The following SACS variants were observed in gnomAD, a reference collection of about 807,000 sequenced individuals.
SACS encodes sacsin molecular chaperone.
Under a neutral mutation model 348.0 loss-of-function variants are expected in SACS, and 197 were observed. The observed-to-expected ratio is 0.57, with a 90% confidence interval of 0.50 to 0.64. SACS has a LOEUF of 0.64. Among genes scored for constraint, SACS ranks in the 30% least tolerant of loss-of-function variants. The pLI, the probability that SACS is intolerant of heterozygous loss-of-function variation, is 0.00. For synonymous variants in SACS, 1,985 were observed against 1,910.6 expected, an observed-to-expected ratio of 1.04 and a Z score of -1.02; for missense variants, 4,999 against 5,360.8, an observed-to-expected ratio of 0.93 and a Z score of 2.11.
Position 23,336,252 on chromosome 13 carries a change from C to T in SACS, c.7624G>A (p.Glu2542Lys). 1 of 1,614,058 alleles carries T rather than the reference C, an allele frequency of 6.2e-7. No individual in the cohort carries two copies. Among genetic ancestry groups the T allele is most frequent in the Non-Finnish European group, 8.5e-7 (1 of 1,179,940 alleles). ...AGAAGCTCTTTCAACATTTCCTTTT[C>T]AGAAGGATATGCATTAAGGATGCTC... ...IKSILNAYPS[E>K]KEMLKELLQN... Residue 2542 changes from glutamate (E) to lysine (K), a missense_variant, in exon 10 of 10, where the codon GAA becomes AAA. Physicochemically the swap from Glu to Lys is moderately conservative, Grantham distance 56. Around this residue, in one of 6 missense-constraint regions of SACS, gnomAD observed 3,156 missense variants for 3,380.1 expected, o/e 0.93. Transcript: ENST00000382292.
intron 2 of SACS, among the ~76,000 whole-genome samples, chr13:23,378,507 G>A (rs1303082539): frequency 2.6e-5 from 4 of 151,632 alleles, no homozygotes; most frequent in Non-Finnish European, 5.9e-5. Flanking sequence ...ACAGAGTCTC[G>A]CTCTGTCGCC....
intron 7 of SACS, among the ~76,000 whole-genome samples, chr13:23,356,607 A>G (rs1870408267): frequency 6.6e-6 from 1 of 152,238 alleles, no homozygotes; most frequent in Admixed American, 6.5e-5. Context: ...TGGCCTCTAA[A>G]TTGATACCAG....
In SACS at chr13:23,332,727, T is replaced by C. The variant is rs371552605; in HGVS notation, c.11149A>G (p.Lys3717Glu). Reference sequence around the variant, plus strand: ...CCAAGGTCACTACCTTCTTGTTCTTTAATGCTTAAGGGTGTAGCTTTCTCT... The same window carrying C: ...CCAAGGTCACTACCTTCTTGTTCTTCAATGCTTAAGGGTGTAGCTTTCTCT... ...LPEKATPLSI[K>E]EQEGSDLGPQ... The change falls in exon 10 of 10, where the codon AAA becomes GAA. Residue 3717 changes from lysine (K) to glutamate (E), a missense_variant. By Grantham distance (56) the Lys-to-Glu change is moderately conservative. Coordinates refer to ENST00000382292, the MANE Select transcript of SACS (RefSeq NM_014363.6). 5 of 1,614,058 alleles carry C rather than the reference T, an allele frequency of 3.1e-6. No homozygotes were observed. The South Asian group carries it at 3.3e-5, about 11-fold the overall frequency.
In SACS at chr13:23,330,717, A is replaced by T; in HGVS notation, c.13159T>A (p.Phe4387Ile). The change falls in exon 10 of 10, where the codon TTT (phenylalanine) becomes ATT (isoleucine). Residue 4387 changes from phenylalanine to isoleucine, a missense_variant. Phe to Ile is a conservative substitution (Grantham distance 21). Transcript: ENST00000382292. Reference sequence around the variant, plus strand: ...TGAAATGAGTATTTGTCTGACTGAAATCGGGATGCTGAGGTTGAAAATGTT... The same window carrying T: ...TGAAATGAGTATTTGTCTGACTGAATTCGGGATGCTGAGGTTGAAAATGTT... ...RRTFSTSASR[F>I]QSDKYSFQRF... 6.2e-7 allele frequency: 1 copy of T among 1,614,086 alleles called. No homozygotes were observed. Among genetic ancestry groups the T allele is most frequent in the Non-Finnish European group, 8.5e-7 (1 of 1,179,974 alleles).
At position 23,330,326 on chromosome 13, in the gene SACS, TCAAG is replaced by T; in HGVS notation, c.13546_13549del (p.Leu4516LysfsTer3). 6.2e-7 allele frequency: 1 copy of T among 1,614,204 alleles called. No individual in the cohort carries two copies. The highest frequency in any genetic ancestry group is 1.3e-5 in the African/African-American group (1 of 75,068). On this transcript the variant is annotated frameshift_variant, in exon 10 of 10. Transcript: ENST00000382292. LOFTEE classifies it high-confidence loss of function. ...TGTGTGAACATCATTTGTCAGTCCT[TCAAG>T]TTGCTGACTATATTCCTCTATTTTC...
intron 1 of SACS, among the ~76,000 whole-genome samples, chr13:23,419,728 T>C (rs1439459451): frequency 6.6e-6 from 1 of 152,210 alleles, no homozygotes; most frequent in African/African-American, 2.4e-5. Context: ...GGGAGTTTCA[T>C]CGTTTCTGTG....
At position 23,339,314 on chromosome 13, in the gene SACS, G is replaced by A; in HGVS notation, c.4562C>T (p.Ala1521Val). 1 of 1,612,056 alleles carries A rather than the reference G, an allele frequency of 6.2e-7. No homozygotes were observed. Among genetic ancestry groups the A allele is most frequent in the Non-Finnish European group, 8.5e-7 (1 of 1,179,198 alleles). Residue 1521 changes from alanine to valine, a missense_variant, in exon 10 of 10, where the codon GCT becomes GTT. Around this residue, in one of 6 missense-constraint regions of SACS, gnomAD observed 3,156 missense variants for 3,380.1 expected, o/e 0.93. Transcript: ENST00000382292. ...DPGMAACHGP[A>V]LWSFNNSQFS... Reference sequence around the variant, plus strand: ...TTGAGAATTGTTGAATGACCACAAAGCAGGTCCATGACAAGCTGCCATCCC... The same window carrying A: ...TTGAGAATTGTTGAATGACCACAAAACAGGTCCATGACAAGCTGCCATCCC...
rs540280199 is a variant in SACS, at chr13:23,423,728, GCTATTAGGCCTATATATAAA to G, written c.-502+9867_-502+9886del. 7.7e-3 allele frequency among the ~76,000 whole-genome samples: 1,176 copies of G among 152,282 alleles called. 7 individuals carry two copies. Among genetic ancestry groups the G allele is most frequent in the Middle Eastern group, 0.02 (6 of 294 alleles). ...GAATCTAATTAATGAGATTTCAGAA[GCTATTAGGCCTATATATAAA>G]CTATTAGGCCTATATATAAAAATAC... is the stretch of plus-strand genomic sequence containing the variant. On this transcript the variant is annotated intron_variant, in intron 1 of 9. Coordinates refer to ENST00000382292, the MANE Select transcript of SACS (RefSeq NM_014363.6).
chr13:23,382,490 A>G (rs1872099126), intron 2 of SACS, among the ~76,000 whole-genome samples: 1 of 152,228 alleles, frequency 6.6e-6, no homozygotes, highest in Non-Finnish European at 1.5e-5. Context: ...TGCATTGGAT[A>G]TATTAAATAG....
At chr13:23,346,289 T>C (rs928213945) in intron 9 of SACS, among the ~76,000 whole-genome samples, 1 of 152,114 alleles carries the variant, frequency 6.6e-6, no homozygotes, top group Non-Finnish European at 1.5e-5. Context: ...GGATTAAAGG[T>C]GCCTGCCACC....
chr13:23,330,265 T>C lies in SACS; in HGVS notation c.13611A>G (p.Arg4537=). 6.2e-7 allele frequency: 1 copy of C among 1,614,202 alleles called. No homozygotes were observed. The highest frequency in any genetic ancestry group is 8.5e-7 in the Non-Finnish European group (1 of 1,180,022). ...EAYGVDSLKT[R]YPDLLPFPQI... ...GAGGAAAGGGAAGCAAATCAGGGTA[T>C]CTTGTTTTTAAACTGTCTACACCAT... The change falls in exon 10 of 10, where the codon AGA becomes AGG. Residue 4537 remains arginine (R), a synonymous_variant. Transcript: ENST00000382292.
intron 2 of SACS, among the ~76,000 whole-genome samples, chr13:23,393,918 G>A (rs1232672195): frequency 2.0e-5 from 3 of 152,156 alleles, no homozygotes; most frequent in East Asian, 1.9e-4. Context: ...CTGCCACCGC[G>A]CCCGGCTAAT....
chr13:23,335,614 C>CT lies in SACS; in HGVS notation c.8261dup (p.Ser2755GlufsTer32), dbSNP rs2137593625. 6.2e-7 allele frequency: 1 copy of CT among 1,613,850 alleles called. No homozygotes were observed. The highest frequency in any genetic ancestry group is 8.5e-7 in the Non-Finnish European group (1 of 1,179,876). Reference sequence around the variant, plus strand: ...ACAGCACATTTAGAGCTCCAGTACTCTTATCTATTTCACAAATAGAAATTT... The same window carrying CT: ...ACAGCACATTTAGAGCTCCAGTACTCTTTATCTATTTCACAAATAGAAATTT... On this transcript the variant is annotated frameshift_variant, in exon 10 of 10. Transcript: ENST00000382292. LOFTEE classifies it high-confidence loss of function. The surrounding 1 kb of genome is among the most constrained non-coding windows in gnomAD (Gnocchi z 4.7).
At chr13:23,412,798 T>C (rs1365590832) in intron 1 of SACS, among the ~76,000 whole-genome samples, 2 of 152,236 alleles carry the variant, frequency 1.3e-5, no homozygotes, top group African/African-American at 4.8e-5. Context: ...GTAAATGTGT[T>C]ATCAGAAAGG....
rs376187491 is a variant in SACS at position 23,340,794 on chromosome 13, G to C, written c.3082C>G (p.Pro1028Ala). ...ENLSSLKNEN[P>A]NVLEWLTPLK... Reference sequence around the variant, plus strand: ...GGTGTTAACCACTCAAGCACATTTGGATTCTCATTTTTAAGAGAAGATAGA... The same window carrying C: ...GGTGTTAACCACTCAAGCACATTTGCATTCTCATTTTTAAGAGAAGATAGA... Residue 1028 changes from proline to alanine, a missense_variant, in exon 10 of 10, where the codon CCA (proline) becomes GCA (alanine). Pro to Ala is a conservative substitution (Grantham distance 27). Coordinates refer to ENST00000382292, the MANE Select transcript of SACS (RefSeq NM_014363.6). 5 of 1,604,150 alleles carry C rather than the reference G, an allele frequency of 3.1e-6. No individual in the cohort carries two copies. The African/African-American group carries it at 5.4e-5, about 17-fold the overall frequency.
intron 1 of SACS, among the ~76,000 whole-genome samples, chr13:23,425,854 A>C (rs76930053): frequency 0.047 from 7,218 of 152,282 alleles, 467 homozygotes; most frequent in African/African-American, 0.15. Flanking sequence ...TCTGTGTGAC[A>C]AGGCAGAGAA....
rs202084381 is a variant in SACS, at chr13:23,333,757, T to C, written c.10119A>G (p.Thr3373=). 48 of 1,613,874 alleles carry C rather than the reference T, an allele frequency of 3.0e-5. 1 individual carries two copies. The South Asian group carries it at 5.2e-4, about 17-fold the overall frequency. Residue 3373 remains threonine, a synonymous_variant, in exon 10 of 10, where the codon ACA becomes ACG. Coordinates refer to ENST00000382292, the MANE Select transcript of SACS (RefSeq NM_014363.6). ...TTTCTACTAATTTTTCTGCTCTAAA[T>C]GTTGAAGTTTGGACCATATAATGTA... The part of the protein sequence containing the change: ...KALHYMVQTS[T]FRAEKLVEND...
intron 2 of SACS, among the ~76,000 whole-genome samples, chr13:23,403,236 G>A (rs1200908268): frequency 1.3e-5 from 2 of 151,996 alleles, no homozygotes; most frequent in African/African-American, 2.4e-5. Context: ...AAAAACTCAC[G>A]TCTCTGCCAG....
rs2137584765 is a variant in SACS at position 23,334,540 on chromosome 13, G to A, written c.9336C>T (p.Cys3112=). The change falls in exon 10 of 10, where the codon TGC becomes TGT. Residue 3112 remains cysteine, a synonymous_variant. Transcript: ENST00000382292. ...LMTFSSPDTN[C]HIGKLPCRLQ... Reference sequence around the variant, plus strand: ...GACGACAAGGCAGCTTCCCAATATGGCAATTAGTGTCAGGAGAGGAAAATG... The same window carrying A: ...GACGACAAGGCAGCTTCCCAATATGACAATTAGTGTCAGGAGAGGAAAATG... 9.9e-6 allele frequency: 16 copies of A among 1,613,358 alleles called. No homozygotes were observed. The highest frequency in any genetic ancestry group is 1.4e-5 in the Non-Finnish European group (16 of 1,179,662).
Sources: gnomAD v4.1 joint callset for allele counts (sites outside exome capture counted in the v4.1 genomes callset) on GRCh38, gnomAD v4.1.1 for gene constraint, gnomAD v4.1.1 regional missense constraint, Gnocchi (gnomAD v3.1) non-coding constraint, MANE v1.5 for transcripts, NCBI Gene and HGNC (gene_info 2026-07-23, HGNC 2026-07-21) for gene names.